Variants in CTNND2 observed in about 807,000 individuals in gnomAD.
CTNND2 encodes the protein catenin delta-2.
A neutral mutation model predicts 144.4 loss-of-function variants in CTNND2; 22 were observed. The ratio of observed to expected loss-of-function variants is 0.15; its 90% CI spans 0.11 to 0.22. CTNND2 has a LOEUF of 0.22. Ranked by LOEUF, CTNND2 falls within the 10% of genes least tolerant of loss-of-function variation. CTNND2 has a pLI of 1.00. For synonymous variants in CTNND2, 751 were observed against 695.6 expected, an observed-to-expected ratio of 1.08 and a Z score of -1.25; for missense variants, 1,353 against 1,618.8, an observed-to-expected ratio of 0.84 and a Z score of 2.82.
chr5:11,447,828 A>C (rs1045767168), intron 3 of CTNND2, among the ~76,000 whole-genome samples: 23 of 151,672 alleles, frequency 1.5e-4, no homozygotes, highest in Non-Finnish European at 1.0e-4. Flanking sequence ...ATACATTTCA[A>C]AGAATAGTGG....
intron 9 of CTNND2, among the ~76,000 whole-genome samples, chr5:11,240,360 C>CAA (rs1491220684): frequency 2.4e-5 from 3 of 125,930 alleles, no homozygotes; most frequent in Admixed American, 1.6e-4. Flanking sequence ...CACACACATT[C>CAA]ACACACACCC....
chr5:11,829,231 T>G (rs976665069), intron 1 of CTNND2, among the ~76,000 whole-genome samples: 1 of 152,174 alleles, frequency 6.6e-6, no homozygotes, highest in Admixed American at 6.5e-5. Flanking sequence ...CCCCATTTTC[T>G]GAAAAGAAAT....
intron 2 of CTNND2, among the ~76,000 whole-genome samples, chr5:11,713,130 T>G (rs775463483): frequency 1.3e-5 from 2 of 152,204 alleles, no homozygotes; most frequent in Non-Finnish European, 2.9e-5. Flanking sequence ...CTAAATACAG[T>G]CAGCAATTTA....
intron 1 of CTNND2, among the ~76,000 whole-genome samples, chr5:11,732,858 G>A (rs1036347991): frequency 6.6e-6 from 1 of 151,860 alleles, no homozygotes; most frequent in African/African-American, 2.4e-5. Flanking sequence ...CCTCCTTTCT[G>A]ATTGTGGGTC....
chr5:11,737,065 T>C (rs953056041), intron 1 of CTNND2, among the ~76,000 whole-genome samples: 2 of 152,204 alleles, frequency 1.3e-5, no homozygotes, highest in African/African-American at 2.4e-5. Context: ...TTTACATCTA[T>C]GACATATTCA....
chr5:11,166,075 T>C (rs1759294943), intron 11 of CTNND2, among the ~76,000 whole-genome samples: 1 of 152,150 alleles, frequency 6.6e-6, no homozygotes, highest in Non-Finnish European at 1.5e-5. Flanking sequence ...GCTTCATTCA[T>C]TTTAAATAAA....
chr5:11,250,491 C>CTCTATATATATATATATATATATA (rs869141186), intron 9 of CTNND2, among the ~76,000 whole-genome samples: 9 of 64,108 alleles, frequency 1.4e-4, no homozygotes, highest in Admixed American at 2.3e-4. Context: ...CTCTCTCTCT[C>CTCTATATATATATATATATATATA]TATATATATA....
At chr5:11,564,617 G>GA (rs76497407) in intron 3 of CTNND2, among the ~76,000 whole-genome samples, 130 of 140,124 alleles carry the variant, frequency 9.3e-4, no homozygotes, top group Middle Eastern at 7.2e-3. Flanking sequence ...GATCATTTAC[G>GA]AAAAAAAAAA....
intron 16 of CTNND2, among the ~76,000 whole-genome samples, chr5:11,031,296 C>A (rs1009749848): frequency 6.6e-6 from 1 of 152,022 alleles, no homozygotes; most frequent in Admixed American, 6.6e-5. Context: ...AACAGATCCA[C>A]GATATTTAGA....
chr5:11,636,508 C>T (rs1781710820), intron 2 of CTNND2, among the ~76,000 whole-genome samples: 1 of 152,120 alleles, frequency 6.6e-6, no homozygotes, highest in African/African-American at 2.4e-5. Flanking sequence ...ATCCAAACGG[C>T]TAATATACAC....
At chr5:11,660,247 T>G (rs75769737) in intron 2 of CTNND2, among the ~76,000 whole-genome samples, 2,815 of 152,036 alleles carry the variant, frequency 0.019, 92 homozygotes, top group African/African-American at 0.064. Context: ...AAGGAGAAAT[T>G]TAATGAAAGA....
intron 9 of CTNND2, among the ~76,000 whole-genome samples, chr5:11,299,681 T>A (rs1210649401): frequency 6.6e-6 from 1 of 152,178 alleles, no homozygotes; most frequent in Non-Finnish European, 1.5e-5. Flanking sequence ...TCCGTGAAAC[T>A]TTCCTGCCAA....
intron 1 of CTNND2, among the ~76,000 whole-genome samples, chr5:11,862,803 C>T (rs758078360): frequency 5.9e-5 from 9 of 152,200 alleles, no homozygotes; most frequent in Non-Finnish European, 1.3e-4. Flanking sequence ...AGTTCTCAAA[C>T]TGCTTTATAT....
intron 1 of CTNND2, among the ~76,000 whole-genome samples, chr5:11,789,305 G>C (rs1437498552): frequency 3.3e-5 from 5 of 152,000 alleles, no homozygotes; most frequent in African/African-American, 9.7e-5. Context: ...ATCTTCTTTG[G>C]ATTTTGGAGT....
chr5:11,073,411 G>A (rs757808577), intron 16 of CTNND2, among the ~76,000 whole-genome samples: 1 of 152,126 alleles, frequency 6.6e-6, no homozygotes, highest in African/African-American at 2.4e-5. Flanking sequence ...AAGTTAGGTC[G>A]GCTCTCCGTC....
rs180719402 is a variant in CTNND2 at position 11,087,211 on chromosome 5, G to A, written c.2638-4365C>T. 1.1e-3 allele frequency among the ~76,000 whole-genome samples: 166 copies of A among 152,208 alleles called. 1 individual carries two copies. Among genetic ancestry groups the A allele is most frequent in the Non-Finnish European group, 4.6e-4 (31 of 68,024 alleles). On this transcript the variant is annotated intron_variant, in intron 15 of 21. Transcript: ENST00000304623. ...AATGAATTTGGTACAAATGGCATGT[G>A]ATTCCTAAATTTGTTTCTGAATTTA...
At chr5:11,213,559 T>C (rs1326460123) in intron 10 of CTNND2, among the ~76,000 whole-genome samples, 1 of 152,204 alleles carries the variant, frequency 6.6e-6, no homozygotes, top group Non-Finnish European at 1.5e-5. Flanking sequence ...AACATTGATA[T>C]GACACTTGGA....
intron 9 of CTNND2, among the ~76,000 whole-genome samples, chr5:11,239,638 C>T (rs1372765106): frequency 6.6e-6 from 1 of 152,254 alleles, no homozygotes; most frequent in African/African-American, 2.4e-5. Context: ...GTCTAAGACA[C>T]TCCCATGACC....
At chr5:11,475,332 T>C (rs72732947) in intron 3 of CTNND2, among the ~76,000 whole-genome samples, 4 of 152,342 alleles carry the variant, frequency 2.6e-5, no homozygotes, top group Non-Finnish European at 4.4e-5. Flanking sequence ...CAGTAAGTAA[T>C]TAATTTTTTC....
Sources: allele counts gnomAD v4.1 joint callset (sites outside exome capture counted in the v4.1 genomes callset), GRCh38; gene constraint gnomAD v4.1.1; transcripts MANE v1.5; gene names NCBI Gene and HGNC (gene_info 2026-07-23, HGNC 2026-07-21).